The following IGSF23 variants were observed in gnomAD, a reference collection of about 807,000 sequenced individuals.
The protein encoded by IGSF23 is immunoglobulin superfamily member 23.
Under a neutral mutation model 17.8 loss-of-function variants are expected in IGSF23, and 14 were observed. The ratio of observed to expected loss-of-function variants is 0.79; its 90% CI spans 0.52 to 1.23. IGSF23 has a LOEUF of 1.23. Among genes scored for constraint, IGSF23 ranks in the 50% most tolerant of loss-of-function variants. IGSF23 has a pLI of 0.00. For missense variants in IGSF23, 214 were observed against 241.7 expected, an observed-to-expected ratio of 0.89 and a Z score of 0.76; for synonymous variants, 85 against 92.5, an observed-to-expected ratio of 0.92 and a Z score of 0.46.
intron 3 of IGSF23, among the ~76,000 whole-genome samples, chr19:44,635,013 G>T (rs186183771): frequency 2.6e-5 from 4 of 151,990 alleles, no homozygotes; most frequent in Non-Finnish European, 2.9e-5. Flanking sequence ...AGACCGGGGG[G>T]GCTTAAACAA....
rs1972302487 is a variant in IGSF23 at position 44,613,730 on chromosome 19, G to C, written c.85G>C (p.Glu29Gln). 1.3e-6 allele frequency: 2 copies of C among 1,550,586 alleles called. No individual in the cohort carries two copies. The highest frequency in any genetic ancestry group is 1.7e-6 in the Non-Finnish European group (2 of 1,146,976). ...CACCACCACCACTGACCCGATGCTA[G>C]AGAAGGATGCGGCTGGAGGTGACTT... is the stretch of plus-strand genomic sequence containing the variant. ...PPTTTTDPMLEKDAAGGDFPA... is the reference protein window; with the variant it reads ...PPTTTTDPMLQKDAAGGDFPA... Residue 29 changes from glutamate (E) to glutamine (Q), a missense_variant, in exon 1 of 5, where the codon GAG becomes CAG. Transcript: ENST00000402988.
intron 2 of IGSF23, among the ~76,000 whole-genome samples, chr19:44,624,277 ACTTCTT>A (rs200381772): frequency 1.9e-5 from 2 of 105,986 alleles, no homozygotes; most frequent in Non-Finnish European, 2.0e-5. Flanking sequence ...TCCTTCTTCT[ACTTCTT>A]CTTCTTCTTT....
intron 3 of IGSF23, among the ~76,000 whole-genome samples, chr19:44,631,195 A>C (rs1972758519): frequency 6.6e-6 from 1 of 151,976 alleles, no homozygotes; most frequent in Non-Finnish European, 1.5e-5. Flanking sequence ...TGAGTCTGGG[A>C]GTTCGAGGTG....
chr19:44,615,378 C>T (rs770804486), intron 1 of IGSF23, among the ~76,000 whole-genome samples: 2 of 151,948 alleles, frequency 1.3e-5, no homozygotes, highest in Non-Finnish European at 2.9e-5. Flanking sequence ...AATCCCAGCA[C>T]TTTGGGAGGC....
rs559254209 is a variant in IGSF23 at position 44,623,891 on chromosome 19, G to A, written c.310G>A (p.Glu104Lys). 2 of 1,550,830 alleles carry A rather than the reference G, an allele frequency of 1.3e-6. No individual in the cohort carries two copies. Among genetic ancestry groups the A allele is most frequent in the Admixed American group, 3.9e-5 (2 of 51,006 alleles). Residue 104 changes from glutamate to lysine, a missense_variant, in exon 2 of 5, where the codon GAG (glutamate) becomes AAG (lysine). Transcript: ENST00000402988. The part of the protein sequence containing the change: ...EKLFIRRLSC[E>K]QLGTYMCIAT... ...GCTGTTCATCCGACGGTTGTCCTGTGAGCAGCTGGGCACCTACATGTGCAT... is the reference window on the plus strand; with the variant it reads ...GCTGTTCATCCGACGGTTGTCCTGTAAGCAGCTGGGCACCTACATGTGCAT...
At chr19:44,629,380 C>T (rs952561858) in intron 3 of IGSF23, among the ~76,000 whole-genome samples, 4 of 151,758 alleles carry the variant, frequency 2.6e-5, no homozygotes, top group East Asian at 3.9e-4. Context: ...AGTGAGACCC[C>T]GTCTCTACCA....
At chr19:44,628,532 G>A (rs566896002) in intron 3 of IGSF23, among the ~76,000 whole-genome samples, 5 of 152,116 alleles carry the variant, frequency 3.3e-5, no homozygotes, top group Admixed American at 1.3e-4. Flanking sequence ...TAGATCACTC[G>A]AGCCCAGGAG....
At chr19:44,623,596 G>T (rs2123720009) in intron 1 of IGSF23, 111 bp from the exon 2 acceptor site, 1 of 1,114,522 alleles carries the variant, frequency 9.0e-7, no homozygotes, top group Non-Finnish European at 1.3e-6. Flanking sequence ...GTGAATTAAT[G>T]AATGAATGAA....
At chr19:44,625,737 C>A (rs1349654546) in intron 2 of IGSF23, among the ~76,000 whole-genome samples, 4 of 152,126 alleles carry the variant, frequency 2.6e-5, no homozygotes, top group African/African-American at 9.7e-5. Context: ...TGTCCCCACC[C>A]AAATCTCATC....
At chr19:44,622,867 T>C (rs557514110) in intron 1 of IGSF23, among the ~76,000 whole-genome samples, 1 of 152,148 alleles carries the variant, frequency 6.6e-6, no homozygotes, top group Non-Finnish European at 1.5e-5. Flanking sequence ...GGAATCCACA[T>C]GGCTTATTCC....
chr19:44,616,387 T>C (rs1972376486), intron 1 of IGSF23, among the ~76,000 whole-genome samples: 1 of 152,134 alleles, frequency 6.6e-6, no homozygotes, highest in Non-Finnish European at 1.5e-5. Flanking sequence ...TGAACATAAT[T>C]CTACTTTTTG....
At position 44,635,405 on chromosome 19, in the gene IGSF23, G is replaced by A; in HGVS notation, c.550G>A (p.Asp184Asn). Reference protein sequence around the residue: ...CFIIIQSLRTDRQRIGICS With the variant: ...CFIIIQSLRTNRQRIGICS ...CTCTCTCTCTCTCCACTGCAGGACT[G>A]ACAGGCAGAGAATAGGAATATGCAG... The change falls in exon 4 of 5, where the codon GAC becomes AAC. Residue 184 changes from aspartate (D) to asparagine (N), a missense_variant. Transcript: ENST00000402988. 1 of 1,546,304 alleles carries A rather than the reference G, an allele frequency of 6.5e-7. No individual in the cohort carries two copies.
At chr19:44,615,321 G>A (rs905124643) in intron 1 of IGSF23, among the ~76,000 whole-genome samples, 5 of 150,910 alleles carry the variant, frequency 3.3e-5, no homozygotes, top group Non-Finnish European at 5.9e-5. Flanking sequence ...GTTCTGAGCC[G>A]GGTGCAGTGG....
At chr19:44,629,536 T>C (rs1972722200) in intron 3 of IGSF23, among the ~76,000 whole-genome samples, 1 of 152,012 alleles carries the variant, frequency 6.6e-6, no homozygotes, top group Non-Finnish European at 1.5e-5. Context: ...CACTCCAGCC[T>C]GCTTGACAGA....
chr19:44,617,153 A>C (rs1470911194), intron 1 of IGSF23, among the ~76,000 whole-genome samples: 678 of 97,318 alleles, frequency 7.0e-3, no homozygotes, highest in Admixed American at 0.012. Context: ...GCCTTGCCCC[A>C]CCCCTCCCCC....
At chr19:44,634,484 T>C (rs1262747387) in intron 3 of IGSF23, among the ~76,000 whole-genome samples, 1 of 152,210 alleles carries the variant, frequency 6.6e-6, no homozygotes, top group Non-Finnish European at 1.5e-5. Context: ...GGGTGTATTC[T>C]AACAGGGAAC....
intron 3 of IGSF23, among the ~76,000 whole-genome samples, chr19:44,634,222 C>G (rs1165365846): frequency 1.3e-5 from 2 of 152,176 alleles, no homozygotes; most frequent in African/African-American, 4.8e-5. Flanking sequence ...AGGACAGGCC[C>G]CTCATGGCAT....
intron 3 of IGSF23, among the ~76,000 whole-genome samples, chr19:44,632,011 A>C (rs1231396156): frequency 6.6e-6 from 1 of 152,188 alleles, no homozygotes; most frequent in Non-Finnish European, 1.5e-5. Flanking sequence ...ATTTAAGCTA[A>C]ACATCCCTTT....
intron 1 of IGSF23, among the ~76,000 whole-genome samples, chr19:44,617,112 G>C (rs917613099): frequency 1.1e-4 from 16 of 151,660 alleles, no homozygotes; most frequent in Non-Finnish European, 1.9e-4. Flanking sequence ...GCCCAGGCTA[G>C]TCTTGAACTT....
Sources: allele counts gnomAD v4.1 joint callset (sites outside exome capture counted in the v4.1 genomes callset), GRCh38; gene constraint gnomAD v4.1.1; transcripts MANE v1.5; gene names NCBI Gene and HGNC (gene_info 2026-07-23, HGNC 2026-07-21).